Variants in ZIK1 observed in about 807,000 individuals in gnomAD.
The protein encoded by ZIK1 is zinc finger protein interacting with K protein 1.
ZIK1 carries 12 observed loss-of-function variants against 10.7 expected under a neutral mutation model. The ratio of observed to expected loss-of-function variants is 1.12; its 90% CI spans 0.72 to 1.81. The LOEUF is 1.81. Among genes scored for constraint, ZIK1 ranks in the 40% most tolerant of loss-of-function variants. The probability of loss-of-function intolerance (pLI) is 0.00; values close to 1 mark genes in which losing one functional copy is unlikely to be tolerated. For synonymous variants in ZIK1, 190 were observed against 205.0 expected (o/e 0.93, Z 0.63); for missense variants, 497 against 585.7 (o/e 0.85, Z 1.56).
intron 2 of ZIK1, 52 bp from the exon 3 acceptor site, chr19:57,588,487 G>T (rs1979354502): frequency 1.4e-6 from 2 of 1,389,444 alleles, no homozygotes; most frequent in South Asian, 3.9e-5. Context: ...TGCGTGGGTG[G>T]ATGAACTTGT....
chr19:57,587,080 C>T (rs547170820), intron 2 of ZIK1, among the ~76,000 whole-genome samples: 4 of 152,248 alleles, frequency 2.6e-5, no homozygotes, highest in Admixed American at 1.3e-4. Flanking sequence ...CAGGGGAACT[C>T]CCCCCTTATA....
rs755991959 is a variant in ZIK1, at chr19:57,590,951, G to C, written c.1140G>C (p.Glu380Asp). 3 of 1,613,924 alleles carry C rather than the reference G, an allele frequency of 1.9e-6. No individual in the cohort carries two copies. Among genetic ancestry groups the C allele is most frequent in the Non-Finnish European group, 2.5e-6 (3 of 1,179,996 alleles). ...TTCACACTGGAGCAAAGCCTTATGAGTGTGGCCAGTGTGGGAAATCCTTTA... is the reference window on the plus strand; with the variant it reads ...TTCACACTGGAGCAAAGCCTTATGACTGTGGCCAGTGTGGGAAATCCTTTA... ...RRIHTGAKPY[E>D]CGQCGKSFSQ... is the part of the protein sequence containing the mutation. Residue 380 changes from glutamate to aspartate, a missense_variant, in exon 4 of 4, where the codon GAG becomes GAC. Physicochemically the swap from Glu to Asp is conservative, Grantham distance 45 (BLOSUM62 2). Coordinates refer to ENST00000597850, the MANE Select transcript of ZIK1 (RefSeq NM_001010879.4).
rs1270348731 is a variant in ZIK1, at chr19:57,592,823, G to A, written c.*1548G>A. 1 of 152,100 alleles carries A rather than the reference G, an allele frequency of 6.6e-6. No homozygotes were observed. Among genetic ancestry groups the A allele is most frequent in the Non-Finnish European group, 1.5e-5 (1 of 68,014 alleles). The allele number at this position is 152,100 out of a possible 1,614,324, so 9.4% of individuals were successfully genotyped here. A position where few individuals can be genotyped will look rare whatever the true frequency, so the allele number is the denominator to read the frequency against. ...ATGCCATAGTTTACATCCATTTATG[G>A]TGTATAATTTGAAGAGTTTGTCATA... On this transcript the variant is annotated 3_prime_UTR_variant, in exon 4 of 4. Coordinates refer to ENST00000597850, the MANE Select transcript of ZIK1 (RefSeq NM_001010879.4).
chr19:57,588,023 G>A (rs948826206), intron 2 of ZIK1, among the ~76,000 whole-genome samples: 60 of 152,196 alleles, frequency 3.9e-4, no homozygotes, highest in African/African-American at 1.4e-3. Flanking sequence ...GCAAGGAACA[G>A]AGTCAGGAAG....
At chr19:57,587,616 C>T (rs1458766267) in intron 2 of ZIK1, among the ~76,000 whole-genome samples, 1 of 152,186 alleles carries the variant, frequency 6.6e-6, no homozygotes, top group Non-Finnish European at 1.5e-5. Context: ...TCTCAGGCTT[C>T]CTGCCTGCAG....
Position 57,593,129 on chromosome 19 carries a change from C to G in ZIK1, c.*1854C>G, listed in dbSNP as rs1979843298. 1 of 151,556 alleles carries G rather than the reference C, an allele frequency of 6.6e-6. No individual in the cohort carries two copies. Among genetic ancestry groups the G allele is most frequent in the Non-Finnish European group, 1.5e-5 (1 of 67,978 alleles). 9.4% of individuals were successfully genotyped at this position (151,556 alleles called of 1,614,324 possible). A position where few individuals can be genotyped will look rare whatever the true frequency, so the allele number is the denominator to read the frequency against. On this transcript the variant is annotated 3_prime_UTR_variant, in exon 4 of 4. Transcript: ENST00000597850. ...GCATGATCTTGGCTCACTCCAACCT[C>G]CTCCTGGGTTCCAGCGATTCTCCTG...
intron 1 of ZIK1, 79 bp from the exon 2 acceptor site, chr19:57,584,873 T>C: frequency 6.5e-7 from 1 of 1,537,946 alleles, no homozygotes; most frequent in South Asian, 1.2e-5. Context: ...GGCTCTGGCC[T>C]GGACAGGAAT....
intron 1 of ZIK1, 102 bp from the exon 2 acceptor site, chr19:57,584,850 C>T (rs1978984756): frequency 7.3e-7 from 1 of 1,363,488 alleles, no homozygotes; most frequent in Non-Finnish European, 1.0e-6. Flanking sequence ...ATGCAGGCAT[C>T]CTCAGTCCAC....
Position 57,590,790 on chromosome 19 carries a change from CA to C in ZIK1, c.980del (p.Gln327ArgfsTer184). On this transcript the variant is annotated frameshift_variant, in exon 4 of 4. Coordinates refer to ENST00000597850, the MANE Select transcript of ZIK1 (RefSeq NM_001010879.4). LOFTEE classifies it low-confidence loss of function (END_TRUNC). ...HTGARPYECS[Q>X]CGKSFSQKAT... ...TGGAGCAAGGCCTTATGAGTGTAGC[CA>C]GTGTGGGAAATCCTTTAGCCAAAAA... The C allele has an allele frequency of 6.2e-7, 1 of 1,614,094 alleles. No individual in the cohort carries two copies. Among genetic ancestry groups the C allele is most frequent in the Non-Finnish European group, 8.5e-7 (1 of 1,180,028 alleles).
intron 2 of ZIK1, among the ~76,000 whole-genome samples, chr19:57,585,883 ATTTTTTTTT>A: frequency 7.7e-6 from 1 of 130,118 alleles, no homozygotes; most frequent in East Asian, 2.2e-4. Flanking sequence ...TGCCCAGCGA[ATTTTTTTTT>A]TTTTTTTTTT....
chr19:57,591,187 GA>G lies in ZIK1; in HGVS notation c.1377del (p.Glu460LysfsTer51), dbSNP rs1488853432. The G allele has an allele frequency of 1.9e-6, 3 of 1,614,112 alleles. No individual in the cohort carries two copies. The African/African-American group carries it at 4.0e-5, about 22-fold the overall frequency. ...GLIQHQVVHT[G>X]ERPYECNKCG... The stretch of plus-strand genomic sequence containing the variant: ...ATTCAACACCAAGTGGTTCACACTG[GA>G]GAAAGGCCTTATGAGTGCAACAAAT... On this transcript the variant is annotated frameshift_variant, in exon 4 of 4. Transcript: ENST00000597850. LOFTEE classifies it low-confidence loss of function (END_TRUNC).
intron 2 of ZIK1, among the ~76,000 whole-genome samples, chr19:57,585,772 G>A (rs527946346): frequency 2.0e-5 from 3 of 151,886 alleles, no homozygotes; most frequent in Non-Finnish European, 2.9e-5. Context: ...GCAGTGGCTC[G>A]ATCTTGGCTC....
chr19:57,584,733 G>C (rs996751701), intron 1 of ZIK1: 3 of 1,064,244 alleles, frequency 2.8e-6, no homozygotes, highest in Non-Finnish European at 3.9e-6. Context: ...AGTTAGACTA[G>C]AATAGAATGG....
At position 57,584,979 on chromosome 19, in the gene ZIK1, G is replaced by T. The variant is rs1222469973; in HGVS notation, c.61G>T (p.Asp21Tyr). The T allele has an allele frequency of 6.2e-7, 1 of 1,613,858 alleles. No homozygotes were observed. Among genetic ancestry groups the T allele is most frequent in the African/African-American group, 1.3e-5 (1 of 75,052 alleles). ...TACTGTGTCTCCAGAAACACATATG[G>T]ACCTCACAAAGGTGAGTGGAGGGTG... ...QVTVSPETHM[D>Y]LTKGCVTFED... The change falls in exon 2 of 4, where the codon GAC (aspartate) becomes TAC (tyrosine). Residue 21 changes from aspartate to tyrosine, a missense_variant. Asp to Tyr is a radical substitution (Grantham distance 160). Transcript: ENST00000597850.
In ZIK1 at chr19:57,591,548, G is replaced by A. The variant is rs1370871407; in HGVS notation, c.*273G>A. The A allele has an allele frequency of 2.2e-6, 1 of 446,072 alleles. No individual in the cohort carries two copies. The allele number at this position is 446,072 out of a possible 1,614,324, so 27.6% of individuals were successfully genotyped here. ...ATGTGCTAAGACAAGGCAGACATCTGTGTGTTCTCTTAAGTCTTTGGAGGA... is the reference window on the plus strand; with the variant it reads ...ATGTGCTAAGACAAGGCAGACATCTATGTGTTCTCTTAAGTCTTTGGAGGA... On this transcript the variant is annotated 3_prime_UTR_variant, in exon 4 of 4. Transcript: ENST00000597850.
Position 57,590,792 on chromosome 19 carries a change from G to C in ZIK1, c.981G>C (p.Gln327His), listed in dbSNP as rs1431981347. 35 of 1,614,050 alleles carry C rather than the reference G, an allele frequency of 2.2e-5. No individual in the cohort carries two copies. The highest frequency in any genetic ancestry group is 3.0e-5 in the Non-Finnish European group (35 of 1,180,054). ...HTGARPYECS[Q>H]CGKSFSQKAT... ...GAGCAAGGCCTTATGAGTGTAGCCA[G>C]TGTGGGAAATCCTTTAGCCAAAAAG... The change falls in exon 4 of 4, where the codon CAG (glutamine) becomes CAC (histidine). Residue 327 changes from glutamine (Q) to histidine (H), a missense_variant. Coordinates refer to ENST00000597850, the MANE Select transcript of ZIK1 (RefSeq NM_001010879.4).
intron 3 of ZIK1, 33 bp downstream of exon 3, chr19:57,588,698 T>G: frequency 6.8e-7 from 1 of 1,471,600 alleles, no homozygotes; most frequent in Non-Finnish European, 9.1e-7. Context: ...AGTGTCCTGG[T>G]CTGTCTATGG....
rs1024414722 is a variant in ZIK1 at position 57,584,168 on chromosome 19, T to G, written c.-189T>G. The G allele has an allele frequency of 4.4e-6, 5 of 1,129,970 alleles. No homozygotes were observed. The highest frequency in any genetic ancestry group is 3.3e-5 in the South Asian group (2 of 60,026). 70.0% of individuals were successfully genotyped at this position (1,129,970 alleles called of 1,614,324 possible). A position where few individuals can be genotyped will look rare whatever the true frequency, so the allele number is the denominator to read the frequency against. On this transcript the variant is annotated 5_prime_UTR_variant, in exon 1 of 4. Coordinates refer to ENST00000597850, the MANE Select transcript of ZIK1 (RefSeq NM_001010879.4). ...TCAGTGGCGGTCATTTTTGCAGCGCTTGGGTGCATCCAGACCGTCAGAGCT... is the reference window on the plus strand; with the variant it reads ...TCAGTGGCGGTCATTTTTGCAGCGCGTGGGTGCATCCAGACCGTCAGAGCT...
At chr19:57,588,723 C>T in intron 3 of ZIK1, 58 bp downstream of exon 3, 1 of 1,378,512 alleles carries the variant, frequency 7.3e-7, no homozygotes, top group Non-Finnish European at 9.5e-7. Context: ...TTGCTGACTT[C>T]TCCACTTTCT....
Sources: allele counts gnomAD v4.1 joint callset (sites outside exome capture counted in the v4.1 genomes callset), GRCh38; gene constraint gnomAD v4.1.1; transcripts MANE v1.5; gene names NCBI Gene and HGNC (gene_info 2026-07-23, HGNC 2026-07-21).